The following CCDC39 variants were observed in gnomAD, a reference collection of about 807,000 sequenced individuals.
CCDC39 encodes coiled-coil domain-containing protein 39.
CCDC39 carries 113 observed loss-of-function variants against 121.0 expected under a neutral mutation model. That is an observed-to-expected ratio of 0.93 (90% CI 0.80 to 1.09). The LOEUF is 1.09. Ranked by LOEUF, CCDC39 falls within the 50% of genes least tolerant of loss-of-function variation. CCDC39 has a pLI of 0.00. For missense variants in CCDC39, 1,063 were observed against 1,074.7 expected (o/e 0.99, Z 0.15); for synonymous variants, 349 against 352.2 (o/e 0.99, Z 0.10).
chr3:180,621,088 A>T (rs1717420299), intron 14 of CCDC39, among the ~76,000 whole-genome samples: 1 of 152,110 alleles, frequency 6.6e-6, no homozygotes. Context: ...GCTGTAAAAG[A>T]CAGGATTTCA....
At chr3:180,631,281 C>T (rs1255819915) in intron 14 of CCDC39, among the ~76,000 whole-genome samples, 188 bp downstream of exon 14, 1 of 152,148 alleles carries the variant, frequency 6.6e-6, no homozygotes, top group Non-Finnish European at 1.5e-5. Context: ...TCAGTATCTC[C>T]ATTTAGGAAT....
intron 19 of CCDC39, among the ~76,000 whole-genome samples, chr3:180,615,470 GAGA>G (rs1717195700): frequency 6.6e-6 from 1 of 152,064 alleles, no homozygotes; most frequent in African/African-American, 2.4e-5. Context: ...GAAGAGAAGA[GAGA>G]AGCATATTGA....
rs1717159301 is a variant in CCDC39 at position 180,614,639 on chromosome 3, A to G, written c.*282T>C. ...GTAGTTTCGTGAAATAATGAAGCAAACTATTTTCTAACACTACGAACATCA... is the reference window on the plus strand; with the variant it reads ...GTAGTTTCGTGAAATAATGAAGCAAGCTATTTTCTAACACTACGAACATCA... On this transcript the variant is annotated 3_prime_UTR_variant, in exon 20 of 20. Coordinates refer to ENST00000476379, the MANE Select transcript of CCDC39 (RefSeq NM_181426.2). 1 of 294,934 alleles carries G rather than the reference A, an allele frequency of 3.4e-6. No individual in the cohort carries two copies. Among genetic ancestry groups the G allele is most frequent in the Non-Finnish European group, 6.2e-6 (1 of 160,196 alleles). The allele number at this position is 294,934 out of a possible 1,614,324, so 18.3% of individuals were successfully genotyped here.
chr3:180,655,095 A>T (rs2108426550), intron 6 of CCDC39, 142 bp from the exon 7 acceptor site: 1 of 493,332 alleles, frequency 2.0e-6, no homozygotes, highest in Non-Finnish European at 3.4e-6. Context: ...ATACTTTTAT[A>T]TTAATAAAAA....
intron 14 of CCDC39, among the ~76,000 whole-genome samples, chr3:180,624,601 T>C (rs1285644995): frequency 6.6e-6 from 1 of 152,230 alleles, no homozygotes; most frequent in African/African-American, 2.4e-5. Flanking sequence ...CCTGTACTTT[T>C]GTGTGTTTTC....
At chr3:180,657,805 G>A (rs1283139801) in intron 6 of CCDC39, among the ~76,000 whole-genome samples, 1 of 152,060 alleles carries the variant, frequency 6.6e-6, no homozygotes, top group South Asian at 2.1e-4. Context: ...TATATTCAGG[G>A]CAACTTGAAT....
In CCDC39 at chr3:180,616,880, T is replaced by G. The variant is rs779679665; in HGVS notation, c.2352A>C (p.Gln784His). ...TCTGCTCCTCCGTTTCTTTACTTAG[T>G]TGAAATGAATAAGCCTGCTTCTCTG... ...KLSEKQAYSF[Q>H]LSKETEEQKP... is the part of the protein sequence containing the mutation. Residue 784 changes from glutamine (Q) to histidine (H), a missense_variant, in exon 17 of 20, where the codon CAA becomes CAC. Physicochemically the swap from Gln to His is conservative, Grantham distance 24. Coordinates refer to ENST00000476379, the MANE Select transcript of CCDC39 (RefSeq NM_181426.2). The G allele has an allele frequency of 6.3e-7, 1 of 1,596,308 alleles. No homozygotes were observed. The highest frequency in any genetic ancestry group is 8.6e-7 in the Non-Finnish European group (1 of 1,165,160).
At chr3:180,631,167 A>T (rs1560083774) in intron 14 of CCDC39, among the ~76,000 whole-genome samples, 1 of 152,204 alleles carries the variant, frequency 6.6e-6, no homozygotes, top group African/African-American at 2.4e-5. Context: ...AATGACCTGA[A>T]CTCAAAAGAG....
chr3:180,631,325 C>T, intron 14 of CCDC39, 144 bp downstream of exon 14: 1 of 725,256 alleles, frequency 1.4e-6, no homozygotes, highest in South Asian at 1.8e-5. Flanking sequence ...GTAATAGTGG[C>T]CCTAATTAAG....
At chr3:180,627,324 G>A (rs1335867979) in intron 14 of CCDC39, among the ~76,000 whole-genome samples, 1 of 152,092 alleles carries the variant, frequency 6.6e-6, no homozygotes, top group African/African-American at 2.4e-5. Context: ...TCTCAAATTG[G>A]TAACCCCATT....
At chr3:180,638,469 C>A (rs1560085792) in intron 13 of CCDC39, among the ~76,000 whole-genome samples, 1 of 152,056 alleles carries the variant, frequency 6.6e-6, no homozygotes, top group East Asian at 1.9e-4. Flanking sequence ...AGAATGATGA[C>A]AAGGGATACA....
intron 7 of CCDC39, among the ~76,000 whole-genome samples, chr3:180,653,642 A>G (rs1711518457): frequency 6.6e-6 from 1 of 152,210 alleles, no homozygotes. Context: ...AGTAATCTTA[A>G]GCAGAAAGAA....
At chr3:180,657,229 C>T (rs991836107) in intron 6 of CCDC39, among the ~76,000 whole-genome samples, 5 of 152,162 alleles carry the variant, frequency 3.3e-5, no homozygotes, top group Admixed American at 1.3e-4. Context: ...TTGTCAAACA[C>T]TTAGAAGCAT....
intron 11 of CCDC39, among the ~76,000 whole-genome samples, chr3:180,646,379 A>C (rs1367935327): frequency 2.6e-5 from 4 of 152,092 alleles, no homozygotes. Context: ...TAGTCTTTCC[A>C]GTGGTAAATA....
In CCDC39 at chr3:180,648,214, T is replaced by C; in HGVS notation, c.1313A>G (p.Gln438Arg). Reference protein sequence around the residue: ...SSLKHLNHQLQKLDFETLKQQ... With the variant: ...SSLKHLNHQLRKLDFETLKQQ... ...CTTCAAGGTTTCAAAATCCAGTTTT[T>C]GTAACTGATGGTTGAGATGTTTCAG... The change falls in exon 10 of 20, where the codon CAA (glutamine) becomes CGA (arginine). Residue 438 changes from glutamine to arginine, a missense_variant. Coordinates refer to ENST00000476379, the MANE Select transcript of CCDC39 (RefSeq NM_181426.2). 2 of 1,613,586 alleles carry C rather than the reference T, an allele frequency of 1.2e-6. 1 individual carries two copies.
intron 9 of CCDC39, among the ~76,000 whole-genome samples, chr3:180,649,045 TG>T (rs1718139531): frequency 6.6e-6 from 1 of 152,210 alleles, no homozygotes; most frequent in Non-Finnish European, 1.5e-5. Flanking sequence ...TTACTTTTTT[TG>T]TAAACGCTAT....
chr3:180,631,989 T>C (rs1717708003), intron 13 of CCDC39, among the ~76,000 whole-genome samples: 1 of 152,158 alleles, frequency 6.6e-6, no homozygotes, highest in South Asian at 2.1e-4. Context: ...AGATTCCTGT[T>C]TGACTGGCTC....
chr3:180,629,964 T>A (rs1717657175), intron 14 of CCDC39, among the ~76,000 whole-genome samples: 1 of 152,184 alleles, frequency 6.6e-6, no homozygotes, highest in Admixed American at 6.5e-5. Flanking sequence ...TATTGAGGAC[T>A]CATTTTGTGC....
At chr3:180,663,668 T>TAAAA (rs1379052925) in intron 2 of CCDC39, among the ~76,000 whole-genome samples, 199 bp downstream of exon 2, 1 of 136,706 alleles carries the variant, frequency 7.3e-6, no homozygotes. Flanking sequence ...AGACTTCATC[T>TAAAA]CAAAAAAAAA....
Sources: allele counts gnomAD v4.1 joint callset (sites outside exome capture counted in the v4.1 genomes callset), GRCh38; gene constraint gnomAD v4.1.1; transcripts MANE v1.5; gene names NCBI Gene and HGNC (gene_info 2026-07-23, HGNC 2026-07-21).